The following POLA2 variants were observed in gnomAD, a reference collection of about 807,000 sequenced individuals.
The protein encoded by POLA2 is DNA polymerase alpha 2, accessory subunit.
In POLA2, 47 loss-of-function variants were observed where a neutral mutation model predicts 82.8. That is an observed-to-expected ratio of 0.57 (90% confidence interval 0.45 to 0.72). The LOEUF (loss-of-function observed/expected upper bound fraction) is 0.72, where lower values mean the gene tolerates loss of function less well. Among genes scored for constraint, POLA2 ranks in the 30% least tolerant of loss-of-function variants. The probability of loss-of-function intolerance (pLI) is 0.00; values close to 1 mark genes in which losing one functional copy is unlikely to be tolerated. For synonymous variants in POLA2, 287 were observed against 286.8 expected (o/e 1.00, Z -0.01); for missense variants, 634 against 728.1 (o/e 0.87, Z 1.49).
intron 4 of POLA2, among the ~76,000 whole-genome samples, chr11:65,269,473 C>T (rs1465352065): frequency 2.7e-5 from 4 of 146,862 alleles, no homozygotes; most frequent in Admixed American, 1.4e-4. Context: ...GGCGACAGAG[C>T]GAGACTCCGT....
At chr11:65,305,394 A>G (rs1368172766) in exon 9 of POLA2, 2 of 456,320 alleles carry the variant, frequency 4.4e-6, no homozygotes, top group East Asian at 6.9e-5. Flanking sequence ...CAGATGGACA[A>G]AAATCAAAAT....
At chr11:65,273,466 C>CT (rs1949543458) in intron 4 of POLA2, among the ~76,000 whole-genome samples, 1 of 152,276 alleles carries the variant, frequency 6.6e-6, no homozygotes, top group East Asian at 1.9e-4. Flanking sequence ...AGGCTGAGGA[C>CT]TAGAACACCA....
downstream of POLA2, among the ~76,000 whole-genome samples, chr11:65,300,645 C>T (rs576672896): frequency 1.3e-5 from 2 of 152,220 alleles, no homozygotes; most frequent in African/African-American, 2.4e-5. Context: ...TGCAGTGGCA[C>T]GATCTCTGCT....
rs553326908 is a variant in POLA2 at position 65,288,644 on chromosome 11, G to T, written c.1132-406G>T. 7.3e-5 allele frequency among the ~76,000 whole-genome samples: 11 copies of T among 150,616 alleles called. No individual in the cohort carries two copies. The South Asian group carries it at 2.1e-3, about 29-fold the overall frequency. ...CTCCCCTATCCTCCCTGAGTCTTCC[G>T]AATAGCTTGGACTACAGGCACACGC... On this transcript the variant is annotated intron_variant, in intron 11 of 17. Transcript: ENST00000265465.
chr11:65,274,216 G>C (rs577938851), intron 4 of POLA2, among the ~76,000 whole-genome samples: 1 of 151,856 alleles, frequency 6.6e-6, no homozygotes, highest in South Asian at 2.1e-4. Context: ...GCTGGGCGTG[G>C]TGGTGCATGC....
At chr11:65,294,322 C>T (rs1027387862) in intron 14 of POLA2, 61 bp downstream of exon 14, 2 of 1,368,454 alleles carry the variant, frequency 1.5e-6, no homozygotes, top group African/African-American at 2.9e-5. Flanking sequence ...CTGCCACTAG[C>T]TCTGGCCCTG....
intron 8 of POLA2, 99 bp from the exon 9 acceptor site, chr11:65,281,571 G>T: frequency 1.2e-6 from 1 of 837,338 alleles, no homozygotes. Flanking sequence ...ATTACAGAAT[G>T]AGAGTAGTTG....
At chr11:65,276,514 A>G (rs943435292) in intron 5 of POLA2, among the ~76,000 whole-genome samples, 5 of 151,984 alleles carry the variant, frequency 3.3e-5, no homozygotes, top group African/African-American at 1.2e-4. Context: ...CTCTGCCCTG[A>G]CTTAATTGGT....
downstream of POLA2, among the ~76,000 whole-genome samples, chr11:65,300,648 T>C (rs1949854748): frequency 6.6e-6 from 1 of 152,094 alleles, no homozygotes; most frequent in Non-Finnish European, 1.5e-5. Flanking sequence ...AGTGGCACGA[T>C]CTCTGCTCAC....
At chr11:65,276,405 A>T (rs1305352241) in intron 5 of POLA2, among the ~76,000 whole-genome samples, 2 of 150,344 alleles carry the variant, frequency 1.3e-5, no homozygotes, top group Non-Finnish European at 3.0e-5. Flanking sequence ...TTTTTTTTTT[A>T]AAGAAAAGCA....
At chr11:65,295,464 A>G (rs1344061050) in intron 15 of POLA2, 76 bp from the exon 16 acceptor site, 7 of 1,275,214 alleles carry the variant, frequency 5.5e-6, no homozygotes, top group African/African-American at 2.9e-5. Flanking sequence ...CTGGTTTATT[A>G]AATTCTCCAG....
chr11:65,267,021 C>T (rs893823237), intron 2 of POLA2, among the ~76,000 whole-genome samples: 2 of 152,090 alleles, frequency 1.3e-5, no homozygotes, highest in Non-Finnish European at 2.9e-5. Flanking sequence ...GCCTGGCCAA[C>T]GTGGTGAAAC....
chr11:65,279,738 CAT>C, intron 7 of POLA2, 112 bp downstream of exon 7: 1 of 761,878 alleles, frequency 1.3e-6, no homozygotes, highest in Non-Finnish European at 2.2e-6. Context: ...CTAGTTTGAA[CAT>C]CTGTCTTGGT....
chr11:65,284,679 G>A (rs1949677643), intron 10 of POLA2, among the ~76,000 whole-genome samples: 1 of 151,958 alleles, frequency 6.6e-6, no homozygotes, highest in Non-Finnish European at 1.5e-5. Flanking sequence ...GCATGCACCT[G>A]TAATGCCTGG....
In POLA2 at chr11:65,275,955, C is replaced by T. The variant is rs745730376; in HGVS notation, c.418C>T (p.Arg140Cys). 1.1e-5 allele frequency: 18 copies of T among 1,608,256 alleles called. No individual in the cohort carries two copies. Among genetic ancestry groups the T allele is most frequent in the Admixed American group, 5.1e-5 (3 of 59,112 alleles). The change falls in exon 5 of 18, where the codon CGT (arginine) becomes TGT (cysteine). Residue 140 changes from arginine (R) to cysteine (C), a missense_variant. Coordinates refer to ENST00000265465, the MANE Select transcript of POLA2 (RefSeq NM_002689.4). The part of the protein sequence containing the change: ...TPLTKRSVST[R>C]SPHQLLSPSS... ...CCTAACAAAAAGGAGTGTGTCAACT[C>T]GTAGCCCCCATCAGCTACTCTCACC...
In POLA2 at chr11:65,297,133, G is replaced by A; in HGVS notation, c.1661G>A (p.Cys554Tyr). 6.2e-7 allele frequency: 1 copy of A among 1,614,096 alleles called. No individual in the cohort carries two copies. The highest frequency in any genetic ancestry group is 8.5e-7 in the Non-Finnish European group (1 of 1,180,008). ...TCTCCTCCCCAGGATGTCCTCGGCT[G>A]TGTCTGTGTGAACCCTGGGCGCCTT... ...LRYFVKDVLG[C>Y]VCVNPGRLTK... is the part of the protein sequence containing the mutation. Residue 554 changes from cysteine to tyrosine, a missense_variant, in exon 18 of 18, where the codon TGT becomes TAT. By Grantham distance (194) the Cys-to-Tyr change is radical. Transcript: ENST00000265465.
rs1244589302 is a variant in POLA2, at chr11:65,279,555, G to C, written c.673G>C (p.Glu225Gln). ...DIREVLTCKI[E>Q]ELGSELKEHY... is the part of the protein sequence containing the mutation. Reference sequence around the variant, plus strand: ...GATTGTAGTTCTGACCTGTAAGATAGAAGAACTTGGCAGCGAACTCAAGGA... The same window carrying C: ...GATTGTAGTTCTGACCTGTAAGATACAAGAACTTGGCAGCGAACTCAAGGA... The change falls in exon 7 of 18, where the codon GAA becomes CAA. Residue 225 changes from glutamate to glutamine, a missense_variant. Coordinates refer to ENST00000265465, the MANE Select transcript of POLA2 (RefSeq NM_002689.4). 6.2e-7 allele frequency: 1 copy of C among 1,612,506 alleles called. No individual in the cohort carries two copies. The highest frequency in any genetic ancestry group is 8.5e-7 in the Non-Finnish European group (1 of 1,178,934).
chr11:65,292,687 T>G (rs1340453306), intron 13 of POLA2, among the ~76,000 whole-genome samples: 1 of 152,228 alleles, frequency 6.6e-6, no homozygotes, highest in Non-Finnish European at 1.5e-5. Context: ...ACCTTTGGTC[T>G]CAGGATTCTG....
At chr11:65,290,016 A>T in intron 13 of POLA2, 144 bp downstream of exon 13, 1 of 580,776 alleles carries the variant, frequency 1.7e-6, no homozygotes, top group East Asian at 3.0e-5. Flanking sequence ...TGGGAGGCCG[A>T]GGCGGGCACA....
Sources: allele counts gnomAD v4.1 joint callset (sites outside exome capture counted in the v4.1 genomes callset), GRCh38; gene constraint gnomAD v4.1.1; transcripts MANE v1.5; gene names NCBI Gene and HGNC (gene_info 2026-07-23, HGNC 2026-07-21).